TMEM178B: variants seen among roughly 807,000 people sequenced by gnomAD.
The protein encoded by TMEM178B is transmembrane protein 178B.
A neutral mutation model predicts 31.0 loss-of-function variants in TMEM178B; 5 were observed. The ratio of observed to expected loss-of-function variants is 0.16; its 90% confidence interval spans 0.08 to 0.34. The LOEUF (loss-of-function observed/expected upper bound fraction) is 0.34, where lower values mean the gene tolerates loss of function less well. Among genes scored for constraint, TMEM178B ranks in the 10% least tolerant of loss-of-function variants. The probability of loss-of-function intolerance (pLI) is 1.00; values close to 1 mark genes in which losing one functional copy is unlikely to be tolerated. For synonymous variants in TMEM178B, 164 were observed against 164.0 expected (o/e 1.00, Z 0.00); for missense variants, 275 against 400.3 (o/e 0.69, Z 2.67).
chr7:141,421,214 A>C (rs1227889686), intron 2 of TMEM178B, among the ~76,000 whole-genome samples: 1 of 152,208 alleles, frequency 6.6e-6, no homozygotes, highest in East Asian at 1.9e-4. Context: ...CTTCTCCATC[A>C]TGCTTCTAAA....
Position 141,440,178 on chromosome 7 carries a change from G to A in TMEM178B, c.634+2433G>A, listed in dbSNP as rs376180588. ...AGCCCTGCCCTTGGACCGTGCTGAG[G>A]CACCTCCCAAAAGCACAGGGCTCTG... On this transcript the variant is annotated intron_variant, in intron 3 of 3. Transcript: ENST00000565468. Among the ~76,000 whole-genome samples the A allele has an allele frequency of 9.2e-5, 14 of 152,346 alleles. No homozygotes were observed. In the East Asian group the frequency reaches 1.9e-3, roughly 21 times the overall value.
At chr7:141,115,643 G>A (rs991071039) in intron 1 of TMEM178B, among the ~76,000 whole-genome samples, 28 of 152,160 alleles carry the variant, frequency 1.8e-4, no homozygotes, top group South Asian at 4.2e-4. Flanking sequence ...GGGATCAGGC[G>A]AATGAGGGGC....
chr7:141,142,040 G>T (rs1037744011), intron 1 of TMEM178B, among the ~76,000 whole-genome samples: 1 of 152,182 alleles, frequency 6.6e-6, no homozygotes, highest in Non-Finnish European at 1.5e-5. Context: ...CAGTTACTGA[G>T]CATAGTATCC....
At chr7:141,140,380 C>T (rs1415893965) in intron 1 of TMEM178B, among the ~76,000 whole-genome samples, 3 of 152,166 alleles carry the variant, frequency 2.0e-5, no homozygotes, top group Non-Finnish European at 4.4e-5. Flanking sequence ...CATTTATATA[C>T]TTATTTTTAC....
chr7:141,395,776 G>A (rs1446877704), intron 2 of TMEM178B, among the ~76,000 whole-genome samples: 1 of 152,128 alleles, frequency 6.6e-6, no homozygotes, highest in Non-Finnish European at 1.5e-5. Flanking sequence ...GAATGGGAGA[G>A]AAGGATGGGC....
intron 2 of TMEM178B, among the ~76,000 whole-genome samples, chr7:141,246,434 A>G (rs1586848195): frequency 6.6e-6 from 1 of 152,254 alleles, no homozygotes; most frequent in Non-Finnish European, 1.5e-5. Flanking sequence ...AGTAACGTCC[A>G]TCCTCTAGGG....
At chr7:141,280,553 C>T (rs1385853337) in intron 2 of TMEM178B, among the ~76,000 whole-genome samples, 2 of 152,156 alleles carry the variant, frequency 1.3e-5, no homozygotes, top group Admixed American at 1.3e-4. Flanking sequence ...GTGAGGCCTC[C>T]CCAGCCACGT....
chr7:141,226,800 G>A (rs562351585), intron 2 of TMEM178B, among the ~76,000 whole-genome samples: 8 of 148,014 alleles, frequency 5.4e-5, no homozygotes, highest in African/African-American at 2.0e-4. Flanking sequence ...GGAGGTTGCA[G>A]TGAACTGAAG....
At chr7:141,215,945 G>A (rs1586830492) in intron 2 of TMEM178B, among the ~76,000 whole-genome samples, 1 of 130,488 alleles carries the variant, frequency 7.7e-6, no homozygotes, top group Non-Finnish European at 1.6e-5. Flanking sequence ...TTGTTCTGTT[G>A]CCCAGGCTGG....
chr7:141,495,958 G>C, the TMEM178B span, among the ~76,000 whole-genome samples: 1 of 152,202 alleles, frequency 6.6e-6, no homozygotes, highest in Admixed American at 6.5e-5. Context: ...CACAAAGACT[G>C]TGTTCCTAAC....
chr7:141,169,802 A>G (rs1288878271), intron 1 of TMEM178B, among the ~76,000 whole-genome samples: 1 of 152,264 alleles, frequency 6.6e-6, no homozygotes, highest in Non-Finnish European at 1.5e-5. Flanking sequence ...TTTATATTAT[A>G]TGCCAATAAT....
chr7:141,284,800 G>T (rs539979431), intron 2 of TMEM178B, among the ~76,000 whole-genome samples: 31 of 152,250 alleles, frequency 2.0e-4, no homozygotes, highest in Middle Eastern at 3.4e-3. Flanking sequence ...GGCCGTGAGG[G>T]TCTGGACTGC....
intron 1 of TMEM178B, among the ~76,000 whole-genome samples, chr7:141,138,285 T>C (rs1169717620): frequency 3.3e-5 from 5 of 151,952 alleles, no homozygotes; most frequent in African/African-American, 1.2e-4. Flanking sequence ...ATGGTCTCGA[T>C]CTCCTGACCT....
rs1272744247 is a variant in TMEM178B, at chr7:141,344,555, C to A, written c.497-93053C>A. On this transcript the variant is annotated intron_variant, in intron 2 of 3. Transcript: ENST00000565468. The surrounding 1 kb of genome is among the most constrained non-coding windows in gnomAD (Gnocchi z 4.1). ...CTGGGATTTTAGTTTCTCCCTCCCT[C>A]CCTCCATTCCTCCCTCCTCCCTTCC... 6.6e-6 allele frequency among the ~76,000 whole-genome samples: 1 copy of A among 151,070 alleles called. No individual in the cohort carries two copies. Among genetic ancestry groups the A allele is most frequent in the African/African-American group, 2.4e-5 (1 of 40,972 alleles).
intron 2 of TMEM178B, among the ~76,000 whole-genome samples, chr7:141,382,721 A>G (rs948831620): frequency 1.3e-5 from 2 of 152,218 alleles, no homozygotes; most frequent in African/African-American, 2.4e-5. Flanking sequence ...GTTAATATTA[A>G]TATATATGTA....
chr7:141,364,566 A>G (rs536113785), intron 2 of TMEM178B, among the ~76,000 whole-genome samples: 3 of 149,422 alleles, frequency 2.0e-5, no homozygotes, highest in African/African-American at 7.3e-5. Flanking sequence ...AGGCTGAGGC[A>G]GGAGAATTGC....
chr7:141,190,778 T>G (rs1796684434), intron 1 of TMEM178B, among the ~76,000 whole-genome samples: 1 of 152,222 alleles, frequency 6.6e-6, no homozygotes, highest in South Asian at 2.1e-4. Flanking sequence ...AGTGTTTCTT[T>G]CCCTCTCATT....
intron 2 of TMEM178B, among the ~76,000 whole-genome samples, chr7:141,325,658 C>A (rs955713948): frequency 5.3e-5 from 8 of 152,306 alleles, no homozygotes; most frequent in African/African-American, 1.2e-4. Flanking sequence ...CACAGGGGAT[C>A]TTTTTCTTTA....
intron 1 of TMEM178B, among the ~76,000 whole-genome samples, chr7:141,153,650 G>A (rs1796015976): frequency 6.6e-6 from 1 of 152,058 alleles, no homozygotes; most frequent in Non-Finnish European, 1.5e-5. Context: ...TTTAAACTTT[G>A]TAAATTTTCT....
Sources: allele counts gnomAD v4.1 joint callset (sites outside exome capture counted in the v4.1 genomes callset), GRCh38; gene constraint gnomAD v4.1.1; non-coding constraint Gnocchi (gnomAD v3.1); transcripts MANE v1.5; gene names NCBI Gene and HGNC (gene_info 2026-07-23, HGNC 2026-07-21).